The following WWP2 variants were observed in gnomAD, a reference collection of about 807,000 sequenced individuals.
WWP2 encodes the protein WW domain containing E3 ubiquitin protein ligase 2.
Under a neutral mutation model 121.0 loss-of-function variants are expected in WWP2, and 57 were observed. The ratio of observed to expected loss-of-function variants is 0.47; its 90% confidence interval spans 0.38 to 0.59. The LOEUF is 0.59. Ranked by LOEUF, WWP2 falls within the 20% of genes least tolerant of loss-of-function variation. WWP2 has a pLI of 0.00. For synonymous variants in WWP2, 449 were observed against 441.3 expected (o/e 1.02, Z -0.22); for missense variants, 962 against 1,158.9 (o/e 0.83, Z 2.47).
At chr16:69,798,994 G>A (rs2056107063) in intron 3 of WWP2, 165 bp downstream of exon 3, 1 of 1,326,206 alleles carries the variant, frequency 7.5e-7, no homozygotes, top group African/African-American at 1.5e-5. Flanking sequence ...TGAGCTCATA[G>A]AGCGTTCATT....
At chr16:69,909,326 A>G in intron 9 of WWP2, 5 of 986,972 alleles carry the variant, frequency 5.1e-6, no homozygotes, top group Non-Finnish European at 6.0e-6. Flanking sequence ...AAGGGGATGT[A>G]TTCTGCTCCA....
rs3748386 is a variant in WWP2, at chr16:69,940,756, G to T, written c.*816G>T. ...TTTGGGTCCAAGAGTTTCCCAAACA[G>T]CCACGCCTCTCAGGAACCCACCTGG... On this transcript the variant is annotated 3_prime_UTR_variant, in exon 24 of 24. Coordinates refer to ENST00000359154, the MANE Select transcript of WWP2 (RefSeq NM_001270454.2). 6.5e-6 allele frequency: 1 copy of T among 152,684 alleles called. No individual in the cohort carries two copies. The highest frequency in any genetic ancestry group is 1.5e-5 in the Non-Finnish European group (1 of 67,958). The allele number at this position is 152,684 out of a possible 1,614,324, so 9.5% of individuals were successfully genotyped here.
At chr16:69,839,522 C>G (rs748891429) in intron 4 of WWP2, among the ~76,000 whole-genome samples, 1 of 152,180 alleles carries the variant, frequency 6.6e-6, no homozygotes. Flanking sequence ...ACGGGGTGCT[C>G]TGGGCCACTT....
rs147959080 is a variant in WWP2, at chr16:69,936,384, G to A, written c.2049G>A (p.Thr683=). The A allele has an allele frequency of 1.1e-5, 17 of 1,614,096 alleles. No individual in the cohort carries two copies. Among genetic ancestry groups the A allele is most frequent in the East Asian group, 2.2e-5 (1 of 44,876 alleles). ...ACATGGAGATACTGGGCAAGGTGAC[G>A]ACCCACGAGCTGAAGGAGGGCGGCG... The part of the protein sequence containing the change: ...IQDMEILGKV[T]THELKEGGES... Residue 683 remains threonine, a synonymous_variant, in exon 19 of 24, where the codon ACG becomes ACA. Coordinates refer to ENST00000359154, the MANE Select transcript of WWP2 (RefSeq NM_001270454.2).
chr16:69,927,296 C>T (rs1054729196), intron 11 of WWP2, among the ~76,000 whole-genome samples: 4 of 152,056 alleles, frequency 2.6e-5, no homozygotes, highest in African/African-American at 7.2e-5. Flanking sequence ...TGAGAGTGAT[C>T]GGCAGCTTGC....
chr16:69,919,975 A>G (rs1010058125), intron 10 of WWP2, among the ~76,000 whole-genome samples: 1 of 151,848 alleles, frequency 6.6e-6, no homozygotes, highest in Admixed American at 6.6e-5. Flanking sequence ...TTGTATTTTT[A>G]GTAGAGATGG....
At chr16:69,934,202 C>G in intron 17 of WWP2, 73 bp downstream of exon 17, 1 of 1,545,134 alleles carries the variant, frequency 6.5e-7, no homozygotes, top group Admixed American at 1.8e-5. Flanking sequence ...TGAAGTGTGC[C>G]AGGGGCACCA....
intron 2 of WWP2, among the ~76,000 whole-genome samples, chr16:69,788,513 G>A (rs1480236216): frequency 6.6e-6 from 1 of 152,144 alleles, no homozygotes; most frequent in Admixed American, 6.6e-5. Flanking sequence ...CACTGGGCAG[G>A]CGTCTGCCTC....
intron 12 of WWP2, 87 bp from the exon 13 acceptor site, chr16:69,930,043 A>C: frequency 6.3e-7 from 1 of 1,591,016 alleles, no homozygotes; most frequent in Non-Finnish European, 8.6e-7. Context: ...CTGCAGAGAC[A>C]AAGCCACACT....
chr16:69,924,621 C>G (rs2058611299), intron 10 of WWP2, among the ~76,000 whole-genome samples: 1 of 152,050 alleles, frequency 6.6e-6, no homozygotes, highest in Admixed American at 6.5e-5. Flanking sequence ...AACAGTGACC[C>G]TGAAGCCCTG....
chr16:69,788,227 G>A (rs2055833566), intron 2 of WWP2: 2 of 152,778 alleles, frequency 1.3e-5, no homozygotes, highest in African/African-American at 4.8e-5. Context: ...GCTGAGACAG[G>A]AGGATCACTT....
intron 1 of WWP2, among the ~76,000 whole-genome samples, chr16:69,765,599 G>T (rs531792449): frequency 1.3e-5 from 2 of 152,240 alleles, no homozygotes; most frequent in South Asian, 2.1e-4. Context: ...TGAGACGGGC[G>T]GATCACTTGA....
chr16:69,859,314 A>T (rs1277543861), intron 6 of WWP2, among the ~76,000 whole-genome samples: 1 of 152,216 alleles, frequency 6.6e-6, no homozygotes, highest in Non-Finnish European at 1.5e-5. Context: ...GCACTTTGGC[A>T]GGCTGAGGTG....
intron 9 of WWP2, among the ~76,000 whole-genome samples, chr16:69,912,313 T>A (rs1282726722): frequency 1.4e-5 from 2 of 145,984 alleles, no homozygotes; most frequent in East Asian, 2.0e-4. Context: ...AAACAAAACC[T>A]CATTGGTTTT....
rs8062596 is a variant in WWP2 at position 69,799,397 on chromosome 16, A to G, written c.340+102A>G. On this transcript the variant is annotated intron_variant, in intron 4 of 23. Transcript: ENST00000359154. The surrounding 1 kb of genome is among the most constrained non-coding windows in gnomAD (Gnocchi z 4.5). ...AATTTCCCCCAGGACTAGGGGCTGC[A>G]GTACCTCTGTTCTCCTTGGATGCTG... is the stretch of plus-strand genomic sequence containing the variant. The G allele has an allele frequency of 0.012, 16,877 of 1,464,892 alleles. 1,532 individuals are homozygous for G. The African/African-American group carries it at 0.2, about 18-fold the overall frequency. 90.7% of individuals were successfully genotyped at this position (1,464,892 alleles called of 1,614,324 possible).
intron 6 of WWP2, among the ~76,000 whole-genome samples, chr16:69,864,349 G>A (rs2057480260): frequency 6.6e-6 from 1 of 152,026 alleles, no homozygotes; most frequent in South Asian, 2.1e-4. Context: ...GTGACAGAGT[G>A]AGACCCTGTC....
intron 8 of WWP2, among the ~76,000 whole-genome samples, chr16:69,894,337 T>C (rs935996952): frequency 5.3e-5 from 8 of 151,630 alleles, no homozygotes; most frequent in African/African-American, 1.9e-4. Context: ...CGCCTTGGCC[T>C]CCCAAAGTGC....
chr16:69,829,359 G>A (rs1006471453), intron 4 of WWP2, among the ~76,000 whole-genome samples: 50 of 152,128 alleles, frequency 3.3e-4, no homozygotes, highest in African/African-American at 1.1e-3. Context: ...CTTTAGCACT[G>A]TGCAGTGGCT....
intron 6 of WWP2, among the ~76,000 whole-genome samples, chr16:69,854,982 A>G (rs951513505): frequency 1.3e-5 from 2 of 152,016 alleles, no homozygotes; most frequent in African/African-American, 4.8e-5. Context: ...CAGCCTCCCA[A>G]ATAGCTGGGA....
Sources: allele counts gnomAD v4.1 joint callset (sites outside exome capture counted in the v4.1 genomes callset), GRCh38; gene constraint gnomAD v4.1.1; non-coding constraint Gnocchi (gnomAD v3.1); transcripts MANE v1.5; gene names NCBI Gene and HGNC (gene_info 2026-07-23, HGNC 2026-07-21).